The following PCSK5 variants were observed in gnomAD, a reference collection of about 807,000 sequenced individuals.
PCSK5 encodes the protein prohormone convertase 5.
Under a neutral mutation model 233.2 loss-of-function variants are expected in PCSK5, and 129 were observed. The ratio of observed to expected loss-of-function variants is 0.55; its 90% CI spans 0.48 to 0.64. PCSK5 has a LOEUF of 0.64. PCSK5 is among the 30% of genes least tolerant of loss of function. The probability of loss-of-function intolerance (pLI) is 0.00; values close to 1 mark genes in which losing one functional copy is unlikely to be tolerated. For missense variants in PCSK5, 2,076 were observed against 2,430.1 expected, an observed-to-expected ratio of 0.85 and a Z score of 3.06; for synonymous variants, 825 against 879.2, an observed-to-expected ratio of 0.94 and a Z score of 1.09.
chr9:75,916,310 T>C (rs1489938952), intron 1 of PCSK5, among the ~76,000 whole-genome samples: 1 of 152,210 alleles, frequency 6.6e-6, no homozygotes, highest in Non-Finnish European at 1.5e-5. Flanking sequence ...AGTATAAACT[T>C]GGGTAAATTA....
At chr9:76,043,335 CAAAA>C (rs71372040) in intron 5 of PCSK5, among the ~76,000 whole-genome samples, 2 of 64,018 alleles carry the variant, frequency 3.1e-5, no homozygotes, top group East Asian at 5.1e-4. Context: ...GACTCCATCT[CAAAA>C]AAAAAAAAAA....
intron 8 of PCSK5, among the ~76,000 whole-genome samples, chr9:76,097,246 CTTTTTTTTTT>C (rs71372046): frequency 5.9e-5 from 4 of 67,328 alleles, no homozygotes; most frequent in African/African-American, 1.3e-4. Context: ...AAGTGCATTT[CTTTTTTTTTT>C]TTTTTTTTTT....
At chr9:76,308,875 A>T in intron 29 of PCSK5, 147 bp downstream of exon 29, 1 of 605,688 alleles carries the variant, frequency 1.7e-6, no homozygotes, top group Non-Finnish European at 2.9e-6. Context: ...CGGGAGACAC[A>T]CAGGGACCCA....
Position 75,891,266 on chromosome 9 carries a change from G to A in PCSK5, c.85G>A (p.Val29Met), listed in dbSNP as rs772094687. ...LALLGGCLLP[V>M]CRTRVYTNHW... ...GCTGCTCGGGGGCTGCCTGCTCCCC[G>A]TGTGTCGGACGCGCGTCTACACCAA... The change falls in exon 1 of 38, where the codon GTG becomes ATG. Residue 29 changes from valine to methionine, a missense_variant. Val to Met is a conservative substitution (Grantham distance 21). Around this residue, in one of 6 missense-constraint regions of PCSK5, gnomAD observed 190 missense variants for 216.3 expected, o/e 0.88. Transcript: ENST00000674117. 1 of 1,530,148 alleles carries A rather than the reference G, an allele frequency of 6.5e-7. No homozygotes were observed. The highest frequency in any genetic ancestry group is 1.4e-5 in the African/African-American group (1 of 68,974). The allele number at this position is 1,530,148 out of a possible 1,614,324, so 94.8% of individuals were successfully genotyped here. A position where few individuals can be genotyped will look rare whatever the true frequency, so the allele number is the denominator to read the frequency against.
intron 7 of PCSK5, among the ~76,000 whole-genome samples, chr9:76,082,027 A>AT (rs796539409): frequency 1.7e-4 from 25 of 149,970 alleles, no homozygotes; most frequent in Middle Eastern, 3.5e-3. Flanking sequence ...AAATCTTGTC[A>AT]TTTTTTTTTT....
At chr9:76,242,782 C>T (rs1309152059) in intron 24 of PCSK5, among the ~76,000 whole-genome samples, 1 of 152,200 alleles carries the variant, frequency 6.6e-6, no homozygotes, top group African/African-American at 2.4e-5. Context: ...CCCATACTAG[C>T]ATCTTTGTGC....
chr9:76,268,323 T>C (rs1017656617), intron 24 of PCSK5, among the ~76,000 whole-genome samples: 1 of 152,124 alleles, frequency 6.6e-6, no homozygotes, highest in African/African-American at 2.4e-5. Flanking sequence ...TGGTAATGCG[T>C]TTCTCTATAC....
At chr9:76,133,231 A>G (rs1822831457) in intron 9 of PCSK5, among the ~76,000 whole-genome samples, 1 of 152,124 alleles carries the variant, frequency 6.6e-6, no homozygotes, top group South Asian at 2.1e-4. Context: ...AAAGATCAGC[A>G]CAACTCAGAA....
chr9:76,297,509 C>G (rs1166931558), intron 27 of PCSK5, among the ~76,000 whole-genome samples: 1 of 152,174 alleles, frequency 6.6e-6, no homozygotes, highest in African/African-American at 2.4e-5. Flanking sequence ...CCTGCAGGTG[C>G]TCATTCCTCC....
chr9:76,199,410 G>T (rs1316358887), intron 20 of PCSK5, among the ~76,000 whole-genome samples: 1 of 152,152 alleles, frequency 6.6e-6, no homozygotes, highest in Non-Finnish European at 1.5e-5. Flanking sequence ...TCATTATATG[G>T]TACATGACTA....
chr9:76,233,323 C>A, intron 21 of PCSK5, 137 bp from the exon 22 acceptor site: 1 of 791,684 alleles, frequency 1.3e-6, no homozygotes, highest in Non-Finnish European at 2.0e-6. Context: ...CTAAGATGAT[C>A]ACTCCCAGGC....
intron 3 of PCSK5, among the ~76,000 whole-genome samples, chr9:76,013,632 T>C (rs761628980): frequency 5.9e-5 from 9 of 152,182 alleles, no homozygotes; most frequent in Non-Finnish European, 1.3e-4. Flanking sequence ...CATTCACCCA[T>C]TCATTGAAAA....
intron 34 of PCSK5, among the ~76,000 whole-genome samples, chr9:76,335,834 G>T (rs189622581): frequency 2.0e-5 from 3 of 152,260 alleles, no homozygotes; most frequent in Admixed American, 2.0e-4. Flanking sequence ...TTTACATTAT[G>T]ATTTGATTCT....
chr9:76,079,013 CTCT>C (rs895234463), intron 7 of PCSK5, among the ~76,000 whole-genome samples: 1 of 151,574 alleles, frequency 6.6e-6, no homozygotes, highest in African/African-American at 2.4e-5. Flanking sequence ...GCAGTGTTTT[CTCT>C]TCTTCTTGTA....
At chr9:76,181,334 A>C in intron 15 of PCSK5, 64 bp from the exon 16 acceptor site, 1 of 1,413,774 alleles carries the variant, frequency 7.1e-7, no homozygotes. Flanking sequence ...CAGCACCTCC[A>C]AGAGAATGCT....
chr9:76,185,011 T>C (rs1392318385), intron 17 of PCSK5, among the ~76,000 whole-genome samples: 1 of 152,178 alleles, frequency 6.6e-6, no homozygotes, highest in Non-Finnish European at 1.5e-5. Flanking sequence ...TAAAACTCAA[T>C]AAAAATGGCC....
At chr9:76,016,878 T>A (rs887787113) in intron 3 of PCSK5, among the ~76,000 whole-genome samples, 1 of 151,908 alleles carries the variant, frequency 6.6e-6, no homozygotes, top group Non-Finnish European at 1.5e-5. Context: ...ATGAGTAGAA[T>A]TTTGGAACAG....
At chr9:76,162,806 C>T (rs1350104959) in intron 12 of PCSK5, among the ~76,000 whole-genome samples, 1 of 152,098 alleles carries the variant, frequency 6.6e-6, no homozygotes, top group Admixed American at 6.5e-5. Context: ...TCTGTCCTAC[C>T]CCTCTGGGGG....
In PCSK5 at chr9:76,067,989, G is replaced by A. The variant is rs372302666; in HGVS notation, c.667G>A (p.Ala223Thr). The change falls in exon 6 of 38, where the codon GCT becomes ACT. Residue 223 changes from alanine (A) to threonine (T), a missense_variant. Physicochemically the swap from Ala to Thr is moderately conservative, Grantham distance 58. This residue lies in a region of PCSK5 where 178 missense variants were observed against 393.6 expected (regional missense o/e 0.45). Transcript: ENST00000674117. ...GTRCAGEVAA[A>T]ANNSHCTVGI... ...TCGCTGTGCTGGAGAAGTGGCAGCCGCTGCAAACAATTCGCACTGCACAGT... is the reference window on the plus strand; with the variant it reads ...TCGCTGTGCTGGAGAAGTGGCAGCCACTGCAAACAATTCGCACTGCACAGT... The A allele has an allele frequency of 2.8e-5, 45 of 1,613,698 alleles. No homozygotes were observed. The highest frequency in any genetic ancestry group is 1.7e-4 in the Middle Eastern group (1 of 6,044).
Sources: gnomAD v4.1 joint callset for allele counts (sites outside exome capture counted in the v4.1 genomes callset) on GRCh38, gnomAD v4.1.1 for gene constraint, gnomAD v4.1.1 regional missense constraint, MANE v1.5 for transcripts, NCBI Gene and HGNC (gene_info 2026-07-23, HGNC 2026-07-21) for gene names.